The following DIS3L2 variants were observed in gnomAD, a reference collection of about 807,000 sequenced individuals.
The protein encoded by DIS3L2 is DIS3-like exonuclease 2.
In DIS3L2, 34 loss-of-function variants were observed where a neutral mutation model predicts 97.5. That is an observed-to-expected ratio of 0.35 (90% CI 0.27 to 0.46). DIS3L2 has a LOEUF of 0.46. Among genes scored for constraint, DIS3L2 ranks in the 20% least tolerant of loss-of-function variants. DIS3L2 has a pLI of 1.00. For missense variants in DIS3L2, 1,038 were observed against 1,146.0 expected (o/e 0.91, Z 1.36); for synonymous variants, 435 against 445.2 (o/e 0.98, Z 0.29).
At chr2:232,342,422 C>G (rs1375231883) in intron 13 of DIS3L2, among the ~76,000 whole-genome samples, 1 of 151,990 alleles carries the variant, frequency 6.6e-6, no homozygotes, top group Non-Finnish European at 1.5e-5. Context: ...TGGGAAAATG[C>G]AAGGAGGGAG....
chr2:232,146,722 A>C (rs895571959), intron 8 of DIS3L2, among the ~76,000 whole-genome samples: 5 of 152,220 alleles, frequency 3.3e-5, no homozygotes, highest in Non-Finnish European at 7.3e-5. Flanking sequence ...TGAAGGTGAG[A>C]TGTGTTTCCT....
At chr2:232,238,113 A>G (rs1692983113) in intron 10 of DIS3L2, among the ~76,000 whole-genome samples, 1 of 152,102 alleles carries the variant, frequency 6.6e-6, no homozygotes. Context: ...TAAATAGGGC[A>G]ATGGCCAGAG....
At chr2:232,167,010 C>CA (rs199864891) in intron 9 of DIS3L2, among the ~76,000 whole-genome samples, 8,870 of 137,198 alleles carry the variant, frequency 0.065, 315 homozygotes, top group Non-Finnish European at 0.091. Context: ...GCGTCTCAGT[C>CA]AAAAAAAAAA....
At chr2:232,254,911 C>T (rs1693517457) in intron 12 of DIS3L2, among the ~76,000 whole-genome samples, 1 of 152,194 alleles carries the variant, frequency 6.6e-6, no homozygotes, top group Non-Finnish European at 1.5e-5. Flanking sequence ...GGGCAAAGCC[C>T]ACTAACCACA....
At chr2:232,083,842 A>T (rs1280554102) in intron 5 of DIS3L2, among the ~76,000 whole-genome samples, 1 of 152,168 alleles carries the variant, frequency 6.6e-6, no homozygotes, top group Admixed American at 6.5e-5. Flanking sequence ...GACCAACTGC[A>T]GCATGACAGT....
chr2:232,338,182 A>G (rs1458810638), downstream of DIS3L2, among the ~76,000 whole-genome samples: 5 of 151,862 alleles, frequency 3.3e-5, no homozygotes, highest in East Asian at 9.7e-4. Context: ...CCTCCCCTCC[A>G]TGCTGCCCAC....
chr2:232,344,136 T>TA (rs751454141), exon 14 of DIS3L2: 1 of 152,366 alleles, frequency 6.6e-6, no homozygotes, highest in Non-Finnish European at 1.5e-5. Context: ...TGGCAGACAC[T>TA]AAACTCGTGG....
chr2:232,010,057 AG>A (rs1694152752), intron 1 of DIS3L2, among the ~76,000 whole-genome samples: 1 of 152,190 alleles, frequency 6.6e-6, no homozygotes, highest in Admixed American at 6.5e-5. Flanking sequence ...GTGGGATGAT[AG>A]GAGCCCCAGG....
intron 7 of DIS3L2, among the ~76,000 whole-genome samples, chr2:232,135,427 A>T (rs1698329238): frequency 6.6e-6 from 1 of 152,154 alleles, no homozygotes; most frequent in South Asian, 2.1e-4. Flanking sequence ...TGGGCTGGGG[A>T]AGGCAGTCCT....
chr2:232,273,075 T>C (rs904976653), intron 13 of DIS3L2, among the ~76,000 whole-genome samples: 8 of 152,114 alleles, frequency 5.3e-5, no homozygotes, highest in Non-Finnish European at 1.2e-4. Flanking sequence ...TGTGACCTTC[T>C]AGGTTCACCT....
intron 1 of DIS3L2, among the ~76,000 whole-genome samples, chr2:232,004,056 G>A (rs1010535935): frequency 6.6e-6 from 1 of 151,128 alleles, no homozygotes; most frequent in Non-Finnish European, 1.5e-5. Flanking sequence ...TCTTCTTCTG[G>A]GAAATCAATT....
chr2:232,300,025 T>TCC lies in DIS3L2; in HGVS notation c.1660-14_1660-13insCC, dbSNP rs1491375548. ...TGCTGCCTAAAACTTCTTTTTCTCTTCTCTCTCTCTTCAGCTAAAGCTTGC... is the reference window on the plus strand; with the variant it reads ...TGCTGCCTAAAACTTCTTTTTCTCTTCCCTCTCTCTCTTCAGCTAAAGCTTGC... On this transcript the variant is annotated splice_polypyrimidine_tract_variant and intron_variant, in intron 13 of 20. Transcript: ENST00000325385. 48 of 1,604,198 alleles carry TCC rather than the reference T, an allele frequency of 3.0e-5. No individual in the cohort carries two copies. The highest frequency in any genetic ancestry group is 3.8e-5 in the Non-Finnish European group (44 of 1,172,436).
chr2:232,031,970 A>C (rs1367249590), intron 5 of DIS3L2, among the ~76,000 whole-genome samples: 2 of 152,060 alleles, frequency 1.3e-5, no homozygotes, highest in Non-Finnish European at 2.9e-5. Context: ...ATATGTGTGC[A>C]TGTGTGCATA....
At chr2:232,003,509 T>C (rs1047785863) in intron 1 of DIS3L2, among the ~76,000 whole-genome samples, 1 of 152,270 alleles carries the variant, frequency 6.6e-6, no homozygotes, top group South Asian at 2.1e-4. Context: ...ACTTTACTCA[T>C]GTATAATTTA....
At chr2:232,003,203 G>A (rs1471604679) in intron 1 of DIS3L2, among the ~76,000 whole-genome samples, 1 of 152,142 alleles carries the variant, frequency 6.6e-6, no homozygotes, top group Non-Finnish European at 1.5e-5. Context: ...TACCCTTTAT[G>A]CTTAATGCAC....
intron 1 of DIS3L2, among the ~76,000 whole-genome samples, chr2:231,978,227 A>T (rs1315979522): frequency 6.6e-6 from 1 of 152,248 alleles, no homozygotes; most frequent in Non-Finnish European, 1.5e-5. Flanking sequence ...CCCAATGTAC[A>T]CAACCACCAG....
At position 232,136,854 on chromosome 2, in the gene DIS3L2, T is replaced by TC. The variant is rs779862343; in HGVS notation, c.950+135_950+136insC. The TC allele has an allele frequency of 1.0e-4, 118 of 1,179,214 alleles. 1 individual carries two copies. The highest frequency in any genetic ancestry group is 1.3e-4 in the Non-Finnish European group (114 of 862,220). The allele number at this position is 1,179,214 out of a possible 1,614,324, so 73.0% of individuals were successfully genotyped here. A position where few individuals can be genotyped will look rare whatever the true frequency, so the allele number is the denominator to read the frequency against. On this transcript the variant is annotated intron_variant, in intron 8 of 20. Transcript: ENST00000325385. ...GGTTTCTGGTGTATTTTGGTCCTGA[T>TC]TCTTCAGAAGTCACTCTTAGCTGCC...
intron 8 of DIS3L2, among the ~76,000 whole-genome samples, chr2:232,148,748 C>CTTTTTTTTTTTTTTT (rs34837114): frequency 7.1e-5 from 7 of 98,876 alleles, no homozygotes; most frequent in Non-Finnish European, 1.2e-4. Context: ...AATTTTCTTT[C>CTTTTTTTTTTTTTTT]TTTTTTTTTT....
intron 10 of DIS3L2, among the ~76,000 whole-genome samples, chr2:232,212,485 C>T (rs1692219327): frequency 6.6e-6 from 1 of 152,234 alleles, no homozygotes; most frequent in Admixed American, 6.5e-5. Flanking sequence ...CTGCCGTACT[C>T]ACTGCATACA....
Sources: allele counts gnomAD v4.1 joint callset (sites outside exome capture counted in the v4.1 genomes callset), GRCh38; gene constraint gnomAD v4.1.1; transcripts MANE v1.5; gene names NCBI Gene and HGNC (gene_info 2026-07-23, HGNC 2026-07-21).